Variants in TSHZ2 observed in about 807,000 individuals in gnomAD.
TSHZ2 encodes the protein teashirt homolog 2.
A neutral mutation model predicts 74.4 loss-of-function variants in TSHZ2; 21 were observed. That is an observed-to-expected ratio of 0.28 (90% CI 0.20 to 0.41). The LOEUF (loss-of-function observed/expected upper bound fraction) is 0.41, where lower values mean the gene tolerates loss of function less well. Ranked by LOEUF, TSHZ2 falls within the 10% of genes least tolerant of loss-of-function variation. The probability of loss-of-function intolerance (pLI) is 1.00; values close to 1 mark genes in which losing one functional copy is unlikely to be tolerated. For synonymous variants in TSHZ2, 540 were observed against 515.3 expected (o/e 1.05, Z -0.65); for missense variants, 1,244 against 1,293.5 (o/e 0.96, Z 0.59).
rs1984625776 is a variant in TSHZ2 at position 53,448,053 on chromosome 20, A to G, written c.*9-39091A>G. On this transcript the variant is annotated intron_variant, in intron 2 of 2. Transcript: ENST00000371497. ...CTCAGCCTCCCGAGTAGCTGGGACT[A>G]CAGGCACCTGCCACCATGCCCCGCT... 2.0e-5 allele frequency among the ~76,000 whole-genome samples: 3 copies of G among 151,734 alleles called. No homozygotes were observed. In the South Asian group the frequency reaches 6.3e-4, roughly 32 times the overall value.
rs1986504757 is a variant in TSHZ2 at position 53,493,612 on chromosome 20, C to T, written c.*6477C>T. Reference sequence around the variant, plus strand: ...TAATGGGGCCCCAGGCCATTCCTGACATCGGCGTGTTCTTCTTCTGCATTA... The same window carrying T: ...TAATGGGGCCCCAGGCCATTCCTGATATCGGCGTGTTCTTCTTCTGCATTA... On this transcript the variant is annotated 3_prime_UTR_variant, in exon 3 of 3. Coordinates refer to ENST00000371497, the MANE Select transcript of TSHZ2 (RefSeq NM_173485.6). 1.3e-5 allele frequency: 2 copies of T among 152,170 alleles called. No individual in the cohort carries two copies. The allele number at this position is 152,170 out of a possible 1,614,324, so 9.4% of individuals were successfully genotyped here.
chr20:53,035,443 T>C (rs1403594832), intron 1 of TSHZ2, among the ~76,000 whole-genome samples: 16 of 152,150 alleles, frequency 1.1e-4, no homozygotes, highest in Admixed American at 1.0e-3. Flanking sequence ...CTTAGTGTCA[T>C]AAAAGGTTTT....
At chr20:53,233,765 C>T (rs1336856672) in intron 1 of TSHZ2, among the ~76,000 whole-genome samples, 5 of 152,136 alleles carry the variant, frequency 3.3e-5, no homozygotes, top group Admixed American at 3.3e-4. Flanking sequence ...AGTATAAATT[C>T]AGACATTATT....
intron 2 of TSHZ2, among the ~76,000 whole-genome samples, chr20:53,341,540 G>A (rs1004056212): frequency 1.3e-5 from 2 of 151,296 alleles, no homozygotes; most frequent in Non-Finnish European, 2.9e-5. Flanking sequence ...GACCAGGCTA[G>A]TCTCGAACTG....
At chr20:53,111,775 G>A (rs964176661) in intron 1 of TSHZ2, among the ~76,000 whole-genome samples, 2 of 152,176 alleles carry the variant, frequency 1.3e-5, no homozygotes, top group African/African-American at 2.4e-5. Flanking sequence ...ACCCCAGATC[G>A]AGCCAGGAAA....
chr20:53,112,314 T>G (rs1169722690), intron 1 of TSHZ2, among the ~76,000 whole-genome samples: 2 of 152,150 alleles, frequency 1.3e-5, no homozygotes, highest in African/African-American at 4.8e-5. Context: ...TATTAAGAAG[T>G]TCTTCAAGCC....
intron 2 of TSHZ2, among the ~76,000 whole-genome samples, chr20:53,376,309 G>T (rs1981655920): frequency 6.6e-6 from 1 of 152,148 alleles, no homozygotes; most frequent in African/African-American, 2.4e-5. Flanking sequence ...GAAAGTGTTG[G>T]CAAACTGGAA....
At chr20:53,124,886 C>T (rs1036961169) in intron 1 of TSHZ2, among the ~76,000 whole-genome samples, 6 of 152,124 alleles carry the variant, frequency 3.9e-5, no homozygotes, top group African/African-American at 1.4e-4. Flanking sequence ...CTGTAAAGGG[C>T]CAAATAGTAA....
At chr20:52,989,591 C>T (rs973534688) in intron 1 of TSHZ2, among the ~76,000 whole-genome samples, 7 of 152,134 alleles carry the variant, frequency 4.6e-5, no homozygotes, top group South Asian at 2.1e-4. Context: ...TTCTTACTTC[C>T]ATGCACTATT....
chr20:53,240,721 T>TGATA (rs11468792), intron 1 of TSHZ2, among the ~76,000 whole-genome samples: 40,160 of 144,876 alleles, frequency 0.28, 5,579 homozygotes, highest in Middle Eastern at 0.34. Context: ...GATAGATAGA[T>TGATA]GATAGATAGA....
At chr20:53,442,687 C>A (rs1218404480) in intron 2 of TSHZ2, among the ~76,000 whole-genome samples, 1 of 152,158 alleles carries the variant, frequency 6.6e-6, no homozygotes, top group Admixed American at 6.5e-5. Flanking sequence ...TCTCTGTCTC[C>A]CTAATTGGGC....
At chr20:53,161,130 CA>C (rs368626161) in intron 1 of TSHZ2, among the ~76,000 whole-genome samples, 727 of 67,936 alleles carry the variant, frequency 0.011, 5 homozygotes, top group African/African-American at 0.037. Context: ...TTATTTTCAG[CA>C]AAAAAAAAAA....
chr20:53,414,651 C>G (rs1983173394), intron 2 of TSHZ2, among the ~76,000 whole-genome samples: 1 of 151,984 alleles, frequency 6.6e-6, no homozygotes, highest in South Asian at 2.1e-4. Context: ...GAGCAAGACC[C>G]TATCTCTTAA....
At chr20:53,018,301 A>G (rs1338660955) in intron 1 of TSHZ2, among the ~76,000 whole-genome samples, 1 of 152,200 alleles carries the variant, frequency 6.6e-6, no homozygotes, top group East Asian at 1.9e-4. Flanking sequence ...TTTGTAGACA[A>G]TCACTGGGAA....
intron 2 of TSHZ2, among the ~76,000 whole-genome samples, chr20:53,378,278 T>C (rs2145634983): frequency 6.6e-6 from 1 of 151,788 alleles, no homozygotes; most frequent in East Asian, 1.9e-4. Context: ...AGGCAGGGGC[T>C]GTTGTGAGCC....
chr20:53,293,995 C>T (rs913428934), intron 2 of TSHZ2, among the ~76,000 whole-genome samples: 1 of 151,902 alleles, frequency 6.6e-6, no homozygotes, highest in African/African-American at 2.4e-5. Flanking sequence ...TCCAGCCTGG[C>T]GACAGAGCGA....
chr20:53,345,747 C>T (rs900332092), intron 2 of TSHZ2, among the ~76,000 whole-genome samples: 21 of 151,328 alleles, frequency 1.4e-4, no homozygotes, highest in Non-Finnish European at 2.2e-4. Flanking sequence ...GCCCCTCCTC[C>T]CCTCCCTCTG....
intron 2 of TSHZ2, among the ~76,000 whole-genome samples, chr20:53,390,483 G>A (rs1176428905): frequency 2.6e-5 from 4 of 152,224 alleles, no homozygotes; most frequent in Non-Finnish European, 1.5e-5. Context: ...TCCATGCTTA[G>A]CAGCAGCAAC....
chr20:53,043,546 TAAA>T (rs550659829), intron 1 of TSHZ2, among the ~76,000 whole-genome samples: 4 of 149,888 alleles, frequency 2.7e-5, no homozygotes, highest in Non-Finnish European at 5.9e-5. Flanking sequence ...ATCTTGCACT[TAAA>T]AAAAAAATCT....
Sources: allele counts gnomAD v4.1 joint callset (sites outside exome capture counted in the v4.1 genomes callset), GRCh38; gene constraint gnomAD v4.1.1; transcripts MANE v1.5; gene names NCBI Gene and HGNC (gene_info 2026-07-23, HGNC 2026-07-21).